The following ANKRD30BL variants were observed in gnomAD, a reference collection of about 807,000 sequenced individuals.
The protein encoded by ANKRD30BL is ankyrin repeat domain 30B like.
A neutral mutation model predicts 18.4 loss-of-function variants in ANKRD30BL; 20 were observed. The ratio of observed to expected loss-of-function variants is 1.09; its 90% CI spans 0.77 to 1.58. The LOEUF (loss-of-function observed/expected upper bound fraction) is 1.58. Ranked by LOEUF, ANKRD30BL falls within the 40% of genes most tolerant of loss-of-function variation. ANKRD30BL has a pLI of 0.00. For synonymous variants in ANKRD30BL, 72 were observed against 100.9 expected, an observed-to-expected ratio of 0.71 and a Z score of 1.72; for missense variants, 224 against 268.6, an observed-to-expected ratio of 0.83 and a Z score of 1.16.
chr2:132,215,037 C>A (rs1041077848), intron 1 of ANKRD30BL, among the ~76,000 whole-genome samples: 1 of 150,704 alleles, frequency 6.6e-6, no homozygotes, highest in Non-Finnish European at 1.5e-5. Context: ...ATATAATCAT[C>A]CTGAGAAAAT....
At chr2:132,205,634 AAAAG>A (rs1553473726) in intron 1 of ANKRD30BL, among the ~76,000 whole-genome samples, 1 of 151,640 alleles carries the variant, frequency 6.6e-6, no homozygotes, top group African/African-American at 2.4e-5. Context: ...AAAAAGAAAA[AAAAG>A]AAAGAAAAAA....
intron 1 of ANKRD30BL, among the ~76,000 whole-genome samples, chr2:132,185,255 C>T (rs577871894): frequency 6.6e-6 from 1 of 152,304 alleles, no homozygotes; most frequent in East Asian, 1.9e-4. Context: ...CTGGACTGTG[C>T]TCCGGCTCAA....
upstream of ANKRD30BL, among the ~76,000 whole-genome samples, chr2:132,164,249 C>G (rs893750873): frequency 7.6e-6 from 1 of 132,180 alleles, no homozygotes; most frequent in Non-Finnish European, 1.6e-5. Flanking sequence ...CATGCATTTT[C>G]TTTGTTTCTT....
chr2:132,253,108 A>C (rs534217703), intron 1 of ANKRD30BL: 1 of 176,234 alleles, frequency 5.7e-6, no homozygotes, highest in East Asian at 1.8e-4. Flanking sequence ...ACAGTCATGC[A>C]CCCCGAGGAG....
At chr2:132,207,896 C>CT in intron 1 of ANKRD30BL, among the ~76,000 whole-genome samples, 1 of 152,244 alleles carries the variant, frequency 6.6e-6, no homozygotes, top group Admixed American at 6.5e-5. Flanking sequence ...TAGTATGATA[C>CT]TATAATGCTC....
intron 1 of ANKRD30BL, among the ~76,000 whole-genome samples, chr2:132,256,786 C>T (rs1177767532): frequency 6.6e-6 from 1 of 152,234 alleles, no homozygotes; most frequent in Admixed American, 6.5e-5. Context: ...CAACCAGTGG[C>T]TAGCGGCGGC....
chr2:132,227,399 G>A (rs1247342599), intron 1 of ANKRD30BL, among the ~76,000 whole-genome samples: 2 of 152,066 alleles, frequency 1.3e-5, no homozygotes, highest in Non-Finnish European at 2.9e-5. Context: ...CTAGAGAGAA[G>A]CATTCTCAGA....
At chr2:132,232,853 C>T (rs1333581146) in intron 1 of ANKRD30BL, among the ~76,000 whole-genome samples, 9 of 151,834 alleles carry the variant, frequency 5.9e-5, no homozygotes, top group East Asian at 1.9e-4. Flanking sequence ...AGATACTCCT[C>T]GAGAAGAGCA....
chr2:132,168,925 A>G (rs1297308698), intron 1 of ANKRD30BL, among the ~76,000 whole-genome samples: 1 of 151,006 alleles, frequency 6.6e-6, no homozygotes, highest in East Asian at 1.9e-4. Context: ...GTACAGCATA[A>G]TTAATTATGA....
At chr2:132,252,322 G>A (rs540387153) in intron 1 of ANKRD30BL, among the ~76,000 whole-genome samples, 1,634 of 152,354 alleles carry the variant, frequency 0.011, 29 homozygotes, top group African/African-American at 0.037. Context: ...GTCCGAGGAT[G>A]CAGCGGTGCT....
intron 1 of ANKRD30BL, among the ~76,000 whole-genome samples, chr2:132,243,135 G>C (rs1432513091): frequency 1.3e-5 from 2 of 151,460 alleles, no homozygotes; most frequent in African/African-American, 2.4e-5. Flanking sequence ...ACTTTCTTTT[G>C]ATAAAGCAGA....
intron 1 of ANKRD30BL, among the ~76,000 whole-genome samples, chr2:132,203,686 A>G (rs1287156198): frequency 6.6e-6 from 1 of 152,004 alleles, no homozygotes; most frequent in African/African-American, 2.4e-5. Context: ...TAATTTTAAA[A>G]TCATTATTTT....
chr2:132,161,553 G>A lies in ANKRD30BL; in HGVS notation c.153C>T (p.Ala51=), dbSNP rs1473019794. ...TCTTCATCATCCTCTCCAGCTTCCAGGCTTGGCCCCGGGAGGCAGCTTTGT... is the reference window on the plus strand; with the variant it reads ...TCTTCATCATCCTCTCCAGCTTCCAAGCTTGGCCCCGGGAGGCAGCTTTGT... ...KIHKAASRGQ[A]WKLERMMKKT... The change falls in exon 1 of 6, where the codon GCC becomes GCT. Residue 51 remains alanine, a synonymous_variant. Coordinates refer to ENST00000409867, the MANE Select transcript of ANKRD30BL (RefSeq NM_001358416.1). The A allele has an allele frequency of 1.4e-6, 2 of 1,456,876 alleles. No individual in the cohort carries two copies. The highest frequency in any genetic ancestry group is 1.4e-5 in the African/African-American group (1 of 70,920). 90.2% of individuals were successfully genotyped at this position (1,456,876 alleles called of 1,614,324 possible). A position where few individuals can be genotyped will look rare whatever the true frequency, so the allele number is the denominator to read the frequency against.
chr2:132,233,835 C>T (rs1219876709), intron 1 of ANKRD30BL, among the ~76,000 whole-genome samples: 2 of 151,330 alleles, frequency 1.3e-5, no homozygotes, highest in Admixed American at 6.6e-5. Context: ...ACCAAGTGGA[C>T]CTAATAGACA....
At chr2:132,160,273 T>G (rs1163701583) in intron 1 of ANKRD30BL, among the ~76,000 whole-genome samples, 1 of 151,902 alleles carries the variant, frequency 6.6e-6, no homozygotes, top group African/African-American at 2.4e-5. Flanking sequence ...GGCTAATTTT[T>G]GTATTTTTGT....
intron 1 of ANKRD30BL, among the ~76,000 whole-genome samples, chr2:132,215,506 C>G (rs369071375): frequency 1.7e-3 from 253 of 146,404 alleles, no homozygotes; most frequent in Middle Eastern, 0.011. Context: ...TTGAGGCCTA[C>G]AGTGGAAAAG....
intron 5 of ANKRD30BL, among the ~76,000 whole-genome samples, chr2:132,150,379 T>C (rs1258686607): frequency 2.0e-5 from 3 of 151,872 alleles, no homozygotes; most frequent in Non-Finnish European, 2.9e-5. Context: ...AGTTTTCTGT[T>C]ATTAATTCCT....
chr2:132,223,345 G>C (rs1679748497), intron 1 of ANKRD30BL, among the ~76,000 whole-genome samples: 1 of 152,040 alleles, frequency 6.6e-6, no homozygotes, highest in Admixed American at 6.6e-5. Context: ...TCAACTCACA[G>C]AGTTGAAACT....
intron 1 of ANKRD30BL, among the ~76,000 whole-genome samples, chr2:132,198,223 GTC>G (rs891065773): frequency 6.7e-6 from 1 of 148,886 alleles, no homozygotes; most frequent in African/African-American, 2.5e-5. Flanking sequence ...AAGATGCTTA[GTC>G]TCTCTTTTTC....
Sources: gnomAD v4.1 joint callset for allele counts (sites outside exome capture counted in the v4.1 genomes callset) on GRCh38, gnomAD v4.1.1 for gene constraint, MANE v1.5 for transcripts, NCBI Gene and HGNC (gene_info 2026-07-23, HGNC 2026-07-21) for gene names.